UST: variants seen among roughly 807,000 people sequenced by gnomAD.
The protein encoded by UST is chondroitin sulfate 2-O-sulfotransferase.
In UST, 21 loss-of-function variants were observed where a neutral mutation model predicts 45.6. That is an observed-to-expected ratio of 0.46 (90% CI 0.33 to 0.66). The LOEUF (loss-of-function observed/expected upper bound fraction) is 0.66, where lower values mean the gene tolerates loss of function less well. Among genes scored for constraint, UST ranks in the 30% least tolerant of loss-of-function variants. UST has a pLI of 0.02. For synonymous variants in UST, 215 were observed against 200.6 expected, an observed-to-expected ratio of 1.07 and a Z score of -0.61; for missense variants, 463 against 512.4, an observed-to-expected ratio of 0.90 and a Z score of 0.93.
intron 2 of UST, among the ~76,000 whole-genome samples, chr6:148,898,321 C>A (rs548623621): frequency 1.3e-5 from 2 of 152,104 alleles, no homozygotes; most frequent in Non-Finnish European, 2.9e-5. Flanking sequence ...CTATAAAGAA[C>A]TTTATGCTTT....
intron 1 of UST, among the ~76,000 whole-genome samples, chr6:148,876,735 C>T (rs1582870002): frequency 6.6e-6 from 1 of 151,964 alleles, no homozygotes; most frequent in African/African-American, 2.4e-5. Context: ...AGCAATTCTA[C>T]CAATTTCTTC....
At chr6:148,879,927 G>A (rs1470855903) in intron 1 of UST, among the ~76,000 whole-genome samples, 1 of 106,784 alleles carries the variant, frequency 9.4e-6, no homozygotes, top group East Asian at 3.4e-4. Context: ...CAAGATATCT[G>A]ACTTTTCTTT....
intron 4 of UST, 50 bp from the exon 5 acceptor site, chr6:148,964,358 CCT>C: frequency 6.2e-7 from 1 of 1,601,054 alleles, no homozygotes; most frequent in Non-Finnish European, 8.5e-7. Flanking sequence ...CTAAGTAGGC[CCT>C]GTTTTCGTCC....
At chr6:148,902,989 A>G (rs1472420244) in intron 2 of UST, among the ~76,000 whole-genome samples, 1 of 151,904 alleles carries the variant, frequency 6.6e-6, no homozygotes, top group African/African-American at 2.4e-5. Flanking sequence ...TATTATAGGT[A>G]TTTTTATTAT....
intron 7 of UST, among the ~76,000 whole-genome samples, chr6:149,035,408 G>A (rs1438517143): frequency 1.3e-5 from 2 of 152,082 alleles, no homozygotes; most frequent in African/African-American, 4.8e-5. Flanking sequence ...TCAGTCTGAA[G>A]GCTTTCCTCT....
At chr6:148,892,541 A>G (rs1471833972) in intron 2 of UST, among the ~76,000 whole-genome samples, 1 of 152,226 alleles carries the variant, frequency 6.6e-6, no homozygotes, top group Non-Finnish European at 1.5e-5. Flanking sequence ...GGTAGCTATT[A>G]GCCTCAGGTA....
chr6:148,940,359 T>C (rs1780101706), intron 2 of UST, among the ~76,000 whole-genome samples: 1 of 150,542 alleles, frequency 6.6e-6, no homozygotes, highest in South Asian at 2.1e-4. Context: ...TAGCCAGTCG[T>C]GGTGTGTGCC....
chr6:149,044,086 C>A (rs1280918633), intron 7 of UST, among the ~76,000 whole-genome samples: 1 of 152,170 alleles, frequency 6.6e-6, no homozygotes, highest in Non-Finnish European at 1.5e-5. Context: ...GGGTACATCA[C>A]TTTTAAGATG....
chr6:149,072,452 G>A (rs1007504621), intron 7 of UST, among the ~76,000 whole-genome samples: 3 of 152,086 alleles, frequency 2.0e-5, no homozygotes, highest in Non-Finnish European at 4.4e-5. Context: ...TCGGGAATTC[G>A]AGACCAGCCT....
chr6:148,759,289 G>T (rs1026765323), intron 1 of UST, among the ~76,000 whole-genome samples: 1 of 152,112 alleles, frequency 6.6e-6, no homozygotes, highest in Non-Finnish European at 1.5e-5. Flanking sequence ...ACTTTGGGAG[G>T]CCGAGGTGGG....
intron 2 of UST, among the ~76,000 whole-genome samples, chr6:148,897,908 A>G (rs1238251553): frequency 2.6e-5 from 4 of 152,228 alleles, no homozygotes; most frequent in Non-Finnish European, 5.9e-5. Context: ...GGGCTAATTC[A>G]GGACACTAAG....
intron 6 of UST, among the ~76,000 whole-genome samples, chr6:149,020,967 G>C (rs1262597869): frequency 6.6e-6 from 1 of 152,178 alleles, no homozygotes; most frequent in Admixed American, 6.5e-5. Flanking sequence ...GGTTCAGTTT[G>C]GTCCTCCTAT....
At chr6:149,018,864 C>A (rs1775942116) in intron 5 of UST, among the ~76,000 whole-genome samples, 1 of 152,148 alleles carries the variant, frequency 6.6e-6, no homozygotes, top group Middle Eastern at 3.2e-3. Flanking sequence ...GGCCTGTGAC[C>A]AAACTTAAGA....
At chr6:148,864,098 A>G (rs1412098199) in intron 1 of UST, among the ~76,000 whole-genome samples, 1 of 152,204 alleles carries the variant, frequency 6.6e-6, no homozygotes, top group Non-Finnish European at 1.5e-5. Flanking sequence ...CCCTGCCCCC[A>G]GAGGTGGAGT....
chr6:148,940,703 T>C (rs1780109044), intron 2 of UST, among the ~76,000 whole-genome samples: 1 of 152,204 alleles, frequency 6.6e-6, no homozygotes, highest in Non-Finnish European at 1.5e-5. Flanking sequence ...TGGTTGTTTA[T>C]TATACCCATC....
At chr6:149,068,139 C>T (rs2115045426) in intron 7 of UST, among the ~76,000 whole-genome samples, 1 of 152,254 alleles carries the variant, frequency 6.6e-6, no homozygotes, top group South Asian at 2.1e-4. Flanking sequence ...GTTTGGGTGC[C>T]TCAGTCAGCA....
At chr6:148,967,341 A>G (rs1582932253) in intron 5 of UST, among the ~76,000 whole-genome samples, 2 of 141,664 alleles carry the variant, frequency 1.4e-5, no homozygotes. Flanking sequence ...CAGATTCAAG[A>G]GAGGAGAGCC....
intron 1 of UST, among the ~76,000 whole-genome samples, chr6:148,802,565 T>G (rs1345328277): frequency 6.6e-6 from 1 of 152,218 alleles, no homozygotes; most frequent in African/African-American, 2.4e-5. Flanking sequence ...CACATTGATT[T>G]CATTTTCTCT....
At chr6:149,043,499 C>A (rs1776356647) in intron 7 of UST, among the ~76,000 whole-genome samples, 1 of 152,244 alleles carries the variant, frequency 6.6e-6, no homozygotes, top group Non-Finnish European at 1.5e-5. Flanking sequence ...CATCCGCATC[C>A]CCTAGAACAG....
Sources: allele counts gnomAD v4.1 joint callset (sites outside exome capture counted in the v4.1 genomes callset), GRCh38; gene constraint gnomAD v4.1.1; transcripts MANE v1.5; gene names NCBI Gene and HGNC (gene_info 2026-07-23, HGNC 2026-07-21).